ADAM23: variants seen among roughly 807,000 people sequenced by gnomAD.
ADAM23 encodes ADAM metallopeptidase domain 23, also known as disintegrin and metalloproteinase domain-containing protein 23.
ADAM23 carries 33 observed loss-of-function variants against 120.1 expected under a neutral mutation model. That is an observed-to-expected ratio of 0.27 (90% confidence interval 0.21 to 0.37). The LOEUF (loss-of-function observed/expected upper bound fraction) is 0.37. ADAM23 is among the 10% of genes least tolerant of loss of function. The pLI is 1.00. For missense variants in ADAM23, 862 were observed against 1,058.2 expected, an observed-to-expected ratio of 0.81 and a Z score of 2.57; for synonymous variants, 367 against 375.2, an observed-to-expected ratio of 0.98 and a Z score of 0.25.
intron 24 of ADAM23, chr2:206,607,181 G>A (rs951925082): frequency 2.6e-5 from 4 of 152,184 alleles, no homozygotes; most frequent in Non-Finnish European, 5.9e-5. Flanking sequence ...CTGTGAAGCT[G>A]GTTAGCACAG....
chr2:206,599,986 G>T (rs970906500), intron 24 of ADAM23, among the ~76,000 whole-genome samples: 2 of 152,188 alleles, frequency 1.3e-5, no homozygotes, highest in Admixed American at 1.3e-4. Context: ...CGGATCACAA[G>T]GTCAGGAGAT....
chr2:206,525,406 T>A (rs746395403), intron 3 of ADAM23, among the ~76,000 whole-genome samples: 2 of 152,158 alleles, frequency 1.3e-5, no homozygotes, highest in Non-Finnish European at 1.5e-5. Context: ...TGATTTTAAG[T>A]CATGTAGAAA....
At chr2:206,506,896 C>G (rs1696507761) in intron 3 of ADAM23, among the ~76,000 whole-genome samples, 1 of 152,122 alleles carries the variant, frequency 6.6e-6, no homozygotes, top group Non-Finnish European at 1.5e-5. Flanking sequence ...CATGAAACAG[C>G]AGGTATTTGT....
At chr2:206,509,301 C>T (rs1335046552) in intron 3 of ADAM23, among the ~76,000 whole-genome samples, 1 of 152,096 alleles carries the variant, frequency 6.6e-6, no homozygotes, top group African/African-American at 2.4e-5. Flanking sequence ...ATTCAGAGAA[C>T]TCTGTATGTA....
intron 6 of ADAM23, among the ~76,000 whole-genome samples, chr2:206,544,002 A>C (rs1242160726): frequency 6.6e-6 from 1 of 152,196 alleles, no homozygotes; most frequent in African/African-American, 2.4e-5. Context: ...GTGAGTGATA[A>C]AACACATTGG....
intron 10 of ADAM23, among the ~76,000 whole-genome samples, chr2:206,559,739 C>G (rs549071760): frequency 6.6e-6 from 1 of 152,172 alleles, no homozygotes; most frequent in Non-Finnish European, 1.5e-5. Context: ...ATCGAAATAA[C>G]CCTATAGGAG....
intron 3 of ADAM23, among the ~76,000 whole-genome samples, chr2:206,512,717 A>G (rs1353060609): frequency 1.3e-5 from 2 of 152,178 alleles, no homozygotes; most frequent in Admixed American, 6.5e-5. Context: ...GTGCACAGAT[A>G]TACCTAGTTT....
intron 3 of ADAM23, among the ~76,000 whole-genome samples, chr2:206,526,703 T>C (rs1368022793): frequency 6.6e-6 from 1 of 152,178 alleles, no homozygotes; most frequent in African/African-American, 2.4e-5. Flanking sequence ...TGTGGTCTTA[T>C]CAGGATGCCA....
At chr2:206,462,916 A>G (rs1468469576) in intron 2 of ADAM23, among the ~76,000 whole-genome samples, 1 of 152,190 alleles carries the variant, frequency 6.6e-6, no homozygotes, top group Admixed American at 6.5e-5. Flanking sequence ...TAAGATCATT[A>G]TGGCAGCTCT....
chr2:206,606,219 A>T (rs964205875), intron 24 of ADAM23, among the ~76,000 whole-genome samples: 1 of 152,174 alleles, frequency 6.6e-6, no homozygotes, highest in African/African-American at 2.4e-5. Context: ...AAATGCTTTT[A>T]TATGTGTGTT....
intron 8 of ADAM23, 43 bp downstream of exon 8, chr2:206,548,397 T>C: frequency 6.4e-7 from 1 of 1,557,678 alleles, no homozygotes; most frequent in Non-Finnish European, 8.8e-7. Flanking sequence ...TTTTACTCAA[T>C]GAAGTCATGT....
At chr2:206,507,019 G>A (rs113972234) in intron 3 of ADAM23, among the ~76,000 whole-genome samples, 1 of 152,192 alleles carries the variant, frequency 6.6e-6, no homozygotes, top group Non-Finnish European at 1.5e-5. Flanking sequence ...GGATTGGATT[G>A]TACCTTACCT....
chr2:206,558,827 GT>G (rs1216364355), intron 10 of ADAM23, among the ~76,000 whole-genome samples: 1 of 152,178 alleles, frequency 6.6e-6, no homozygotes, highest in African/African-American at 2.4e-5. Context: ...CATTTAACTT[GT>G]TTTTGTTGTA....
intron 2 of ADAM23, among the ~76,000 whole-genome samples, chr2:206,459,995 TG>T (rs1437889660): frequency 1.3e-5 from 2 of 152,230 alleles, no homozygotes; most frequent in Non-Finnish European, 2.9e-5. Context: ...CCTATCACTC[TG>T]GTTCTCCTCT....
At chr2:206,560,177 T>G in intron 11 of ADAM23, 59 bp downstream of exon 11, 1 of 1,520,780 alleles carries the variant, frequency 6.6e-7, no homozygotes, top group South Asian at 1.3e-5. Context: ...CCTTATCCCT[T>G]TTTTGGTTCA....
intron 6 of ADAM23, among the ~76,000 whole-genome samples, chr2:206,544,643 C>T (rs1345719676): frequency 6.2e-5 from 9 of 144,648 alleles, no homozygotes; most frequent in South Asian, 2.2e-4. Context: ...GAGATAGTCT[C>T]GCTCTTTCGC....
Position 206,445,473 on chromosome 2 carries a change from C to T in ADAM23, c.381C>T (p.Ser127=). The change falls in exon 2 of 26, where the codon AGC becomes AGT. Residue 127 remains serine (S), a synonymous_variant. Coordinates refer to ENST00000264377, the MANE Select transcript of ADAM23 (RefSeq NM_003812.4). ...ATTACATCAACCAAGACTCGGAAAG[C>T]CCTTATCACGTTCTTGACACAAAGG... ...LIYYINQDSE[S]PYHVLDTKAR... 3 of 1,614,098 alleles carry T rather than the reference C, an allele frequency of 1.9e-6. No homozygotes were observed. Among genetic ancestry groups the T allele is most frequent in the Non-Finnish European group, 2.5e-6 (3 of 1,180,012 alleles).
intron 4 of ADAM23, among the ~76,000 whole-genome samples, chr2:206,533,518 GT>G (rs1697113421): frequency 6.6e-6 from 1 of 152,152 alleles, no homozygotes; most frequent in African/African-American, 2.4e-5. Context: ...ATCTCAAATT[GT>G]TTAGAGAAAA....
At chr2:206,593,147 C>G (rs912493418) in intron 22 of ADAM23, among the ~76,000 whole-genome samples, 31 of 152,094 alleles carry the variant, frequency 2.0e-4, no homozygotes, top group Admixed American at 2.0e-3. Flanking sequence ...TGGAAGATGG[C>G]TTAACAAATA....
Sources: allele counts gnomAD v4.1 joint callset (sites outside exome capture counted in the v4.1 genomes callset), GRCh38; gene constraint gnomAD v4.1.1; transcripts MANE v1.5; gene names NCBI Gene and HGNC (gene_info 2026-07-23, HGNC 2026-07-21).